NRDE2: variants seen among roughly 807,000 people sequenced by gnomAD.
NRDE2 encodes nuclear exosome regulator NRDE2.
A neutral mutation model predicts 124.2 loss-of-function variants in NRDE2; 76 were observed. The ratio of observed to expected loss-of-function variants is 0.61; its 90% CI spans 0.51 to 0.74. The LOEUF (loss-of-function observed/expected upper bound fraction) is 0.74, where lower values mean the gene tolerates loss of function less well. Ranked by LOEUF, NRDE2 falls within the 30% of genes least tolerant of loss-of-function variation. The pLI, the probability that NRDE2 is intolerant of heterozygous loss-of-function variation, is 0.00. For missense variants in NRDE2, 1,314 were observed against 1,417.3 expected (o/e 0.93, Z 1.17); for synonymous variants, 489 against 528.1 (o/e 0.93, Z 1.01).
At position 90,274,536 on chromosome 14, in the gene NRDE2, G is replaced by A. The variant is rs1177096933; in HGVS notation, c.*3800C>T. Reference sequence around the variant, plus strand: ...TGAGCACCCCTAGACCCAGACCTTTGCTGCTAAAAGTATTATTCTCCACTA... The same window carrying A: ...TGAGCACCCCTAGACCCAGACCTTTACTGCTAAAAGTATTATTCTCCACTA... On this transcript the variant is annotated 3_prime_UTR_variant, in exon 14 of 14. Transcript: ENST00000354366. 1.5e-5 allele frequency: 2 copies of A among 134,068 alleles called. No homozygotes were observed. Among genetic ancestry groups the A allele is most frequent in the African/African-American group, 5.0e-5 (2 of 40,284 alleles). The allele number at this position is 134,068 out of a possible 1,614,324, so 8.3% of individuals were successfully genotyped here.
chr14:90,285,854 C>CGAACTCCTGGGCTCA (rs1460430116), intron 12 of NRDE2, among the ~76,000 whole-genome samples: 7 of 152,070 alleles, frequency 4.6e-5, no homozygotes, highest in African/African-American at 1.4e-4. Flanking sequence ...AGGCTGGTCT[C>CGAACTCCTGGGCTCA]GAACTCCTGG....
intron 12 of NRDE2, 38 bp downstream of exon 12, chr14:90,286,316 G>C (rs1247574121): frequency 1.3e-6 from 2 of 1,598,544 alleles, no homozygotes; most frequent in Admixed American, 3.4e-5. Context: ...AAGAGGTAGA[G>C]CTCTGCATGA....
At position 90,271,368 on chromosome 14, in the gene NRDE2, C is replaced by T. The variant is rs1013667461; in HGVS notation, c.*6968G>A. ...TTTGCTGTCCTTCTCTATCTATTTC[C>T]TTCATTTCTCTTTCCTTTCTAAACA... is the stretch of plus-strand genomic sequence containing the variant. On this transcript the variant is annotated 3_prime_UTR_variant, in exon 14 of 14. Transcript: ENST00000354366. 4.6e-5 allele frequency: 7 copies of T among 152,160 alleles called. No homozygotes were observed. The highest frequency in any genetic ancestry group is 1.7e-4 in the African/African-American group (7 of 41,424). The allele number at this position is 152,160 out of a possible 1,614,324, so 9.4% of individuals were successfully genotyped here.
intron 12 of NRDE2, among the ~76,000 whole-genome samples, chr14:90,285,692 G>C (rs1892084722): frequency 6.6e-6 from 1 of 152,032 alleles, no homozygotes; most frequent in African/African-American, 2.4e-5. Context: ...GAGTGCAGTG[G>C]TGTGATCATA....
In NRDE2 at chr14:90,269,134, A is replaced by AG. The variant is rs1337704668; in HGVS notation, c.*9201_*9202insC. 71 of 416,506 alleles carry AG rather than the reference A, an allele frequency of 1.7e-4. No homozygotes were observed. The East Asian group carries it at 3.0e-3, about 17-fold the overall frequency. The allele number at this position is 416,506 out of a possible 1,614,324, so 25.8% of individuals were successfully genotyped here. A position where few individuals can be genotyped will look rare whatever the true frequency, so the allele number is the denominator to read the frequency against. On this transcript the variant is annotated 3_prime_UTR_variant, in exon 14 of 14. Transcript: ENST00000354366. ...CTCATGCTGTATAAGGCTCTGCCTC[A>AG]TGCCTTTAGCCCTTTCCAAAAGGCC...
At position 90,301,259 on chromosome 14, in the gene NRDE2, C is replaced by A. The variant is rs1884389320; in HGVS notation, c.1525G>T (p.Asp509Tyr). 3 of 1,613,558 alleles carry A rather than the reference C, an allele frequency of 1.9e-6. No homozygotes were observed. The highest frequency in any genetic ancestry group is 2.5e-6 in the Non-Finnish European group (3 of 1,179,756). ...GGTACCTGTCCTTTGGTAGGCAGAT[C>A]TTTCACGCTGTCGGGTTTGAAGAAG... ...FTFFKPDSVK[D>Y]LPTKGQVEFF... Residue 509 changes from aspartate (D) to tyrosine (Y), a missense_variant, in exon 7 of 14, where the codon GAT becomes TAT. Transcript: ENST00000354366.
intron 7 of NRDE2, among the ~76,000 whole-genome samples, chr14:90,300,932 A>ACAGG (rs1177031981): frequency 3.2e-5 from 4 of 125,302 alleles, no homozygotes; most frequent in Non-Finnish European, 6.8e-5. Context: ...AAGGAGGAAC[A>ACAGG]CAGGCAGGCA....
intron 9 of NRDE2, 31 bp downstream of exon 9, chr14:90,292,666 C>T (rs1439512623): frequency 1.3e-6 from 2 of 1,598,708 alleles, no homozygotes; most frequent in East Asian, 4.5e-5. Flanking sequence ...ACCCCCTGGA[C>T]AGCTTCCTGC....
At chr14:90,305,324 G>A (rs1884559327) in intron 4 of NRDE2, among the ~76,000 whole-genome samples, 1 of 152,288 alleles carries the variant, frequency 6.6e-6, no homozygotes, top group South Asian at 2.1e-4. Context: ...GCTGTCAGCG[G>A]GAATGTAAAC....
Position 90,272,211 on chromosome 14 carries a change from G to T in NRDE2, c.*6125C>A. The T allele has an allele frequency of 6.3e-7, 1 of 1,579,444 alleles. No individual in the cohort carries two copies. The highest frequency in any genetic ancestry group is 8.6e-7 in the Non-Finnish European group (1 of 1,166,892). ...GCCTGGCCTCAGAATAGGTTTTTTGGAATTCCTTGTTAGAATAAAAATGAG... is the reference window on the plus strand; with the variant it reads ...GCCTGGCCTCAGAATAGGTTTTTTGTAATTCCTTGTTAGAATAAAAATGAG... On this transcript the variant is annotated 3_prime_UTR_variant, in exon 14 of 14. Transcript: ENST00000354366. This position sits in a 1 kb window ranked among gnomAD's most constrained non-coding sequence, Gnocchi z 4.5.
At position 90,268,530 on chromosome 14, in the gene NRDE2, G is replaced by GAAGGCCACGCA; in HGVS notation, c.*9805_*9806insTGCGTGGCCTT. 2.1e-6 allele frequency: 2 copies of GAAGGCCACGCA among 974,872 alleles called. No individual in the cohort carries two copies. Among genetic ancestry groups the GAAGGCCACGCA allele is most frequent in the Non-Finnish European group, 3.1e-6 (2 of 639,358 alleles). 60.4% of individuals were successfully genotyped at this position (974,872 alleles called of 1,614,324 possible). A position where few individuals can be genotyped will look rare whatever the true frequency, so the allele number is the denominator to read the frequency against. On this transcript the variant is annotated 3_prime_UTR_variant, in exon 14 of 14. Coordinates refer to ENST00000354366, the MANE Select transcript of NRDE2 (RefSeq NM_017970.4). ...ATGGCCACAGTTCTTGCTGTGCGTG[G>GAAGGCCACGCA]CCTTCCATGCATGCTTTAGGCTCTG...
At chr14:90,313,377 C>T (rs1265828230) in intron 3 of NRDE2, among the ~76,000 whole-genome samples, 4 of 152,206 alleles carry the variant, frequency 2.6e-5, no homozygotes, top group African/African-American at 7.2e-5. Flanking sequence ...CCACCCGCCT[C>T]GGCCTGCCAA....
At chr14:90,309,287 G>C (rs966438109) in intron 4 of NRDE2, among the ~76,000 whole-genome samples, 3 of 151,038 alleles carry the variant, frequency 2.0e-5, no homozygotes, top group Non-Finnish European at 3.0e-5. Flanking sequence ...GAATAAATTT[G>C]GGCGAATTTT....
At position 90,289,102 on chromosome 14, in the gene NRDE2, GA is replaced by G. The variant is rs867513385; in HGVS notation, c.2272del (p.Ser758LeufsTer9). 1 of 1,611,956 alleles carries G rather than the reference GA, an allele frequency of 6.2e-7. No individual in the cohort carries two copies. The highest frequency in any genetic ancestry group is 8.5e-7 in the Non-Finnish European group (1 of 1,178,630). The stretch of plus-strand genomic sequence containing the variant: ...TAGTTTTTTGCAGTTCTTCCCTTGA[GA>G]CTTTAATCTCTTCTTGTTTTTAGTG... ...LHTKNKKRLK[S>X]QGKNCKKLAK... On this transcript the variant is annotated frameshift_variant, in exon 11 of 14. Coordinates refer to ENST00000354366, the MANE Select transcript of NRDE2 (RefSeq NM_017970.4). LOFTEE classifies it high-confidence loss of function.
chr14:90,292,657 C>T (rs1315520928), intron 9 of NRDE2, 40 bp downstream of exon 9: 1 of 1,587,840 alleles, frequency 6.3e-7, no homozygotes, highest in African/African-American at 1.3e-5. Flanking sequence ...CAGGCAGGGA[C>T]CCCCTGGACA....
At chr14:90,282,521 A>G (rs1323241845) in intron 12 of NRDE2, among the ~76,000 whole-genome samples, 1 of 152,076 alleles carries the variant, frequency 6.6e-6, no homozygotes, top group African/African-American at 2.4e-5. Context: ...GTGTTAATGT[A>G]TATGCAAAAC....
chr14:90,272,495 C>T lies in NRDE2; in HGVS notation c.*5841G>A, dbSNP rs1277671387. 19 of 863,014 alleles carry T rather than the reference C, an allele frequency of 2.2e-5. No individual in the cohort carries two copies. The highest frequency in any genetic ancestry group is 3.3e-5 in the Non-Finnish European group (19 of 570,304). The allele number at this position is 863,014 out of a possible 1,614,324, so 53.5% of individuals were successfully genotyped here. A position where few individuals can be genotyped will look rare whatever the true frequency, so the allele number is the denominator to read the frequency against. On this transcript the variant is annotated 3_prime_UTR_variant, in exon 14 of 14. Transcript: ENST00000354366. The surrounding 1 kb of genome is among the most constrained non-coding windows in gnomAD (Gnocchi z 4.5). ...TTGGGGGAGTTGCCCAGAGGAATCC[C>T]TGTTCCCACTGATTTTTATTAGCAA... is the stretch of plus-strand genomic sequence containing the variant.
chr14:90,316,536 C>A, intron 3 of NRDE2, 42 bp downstream of exon 3: 1 of 1,423,490 alleles, frequency 7.0e-7, no homozygotes. Flanking sequence ...GAGAAAAACT[C>A]AAGACTTAAA....
At position 90,270,405 on chromosome 14, in the gene NRDE2, A is replaced by G; in HGVS notation, c.*7931T>C. 1 of 1,575,620 alleles carries G rather than the reference A, an allele frequency of 6.3e-7. No individual in the cohort carries two copies. Among genetic ancestry groups the G allele is most frequent in the Non-Finnish European group, 8.6e-7 (1 of 1,161,892 alleles). ...TCTGGGAATGTGGCCGTCAATCAGG[A>G]AAGAGTCTATATGTGCTCTTGGGAT... On this transcript the variant is annotated 3_prime_UTR_variant, in exon 14 of 14. Transcript: ENST00000354366.
Sources: gnomAD v4.1 joint callset for allele counts (sites outside exome capture counted in the v4.1 genomes callset) on GRCh38, gnomAD v4.1.1 for gene constraint, Gnocchi (gnomAD v3.1) non-coding constraint, MANE v1.5 for transcripts, NCBI Gene and HGNC (gene_info 2026-07-23, HGNC 2026-07-21) for gene names.